NELL1: variants seen among roughly 807,000 people sequenced by gnomAD.
NELL1 encodes protein kinase C-binding protein NELL1.
In NELL1, 76 loss-of-function variants were observed where a neutral mutation model predicts 107.4. The observed-to-expected ratio is 0.71, with a 90% confidence interval of 0.59 to 0.86. The LOEUF is 0.86. NELL1 is among the 40% of genes least tolerant of loss of function. The pLI is 0.00. For synonymous variants in NELL1, 353 were observed against 341.2 expected (o/e 1.03, Z -0.38); for missense variants, 1,024 against 1,005.5 (o/e 1.02, Z -0.25).
intron 14 of NELL1, among the ~76,000 whole-genome samples, chr11:21,363,963 G>A (rs1851149987): frequency 1.3e-5 from 2 of 152,224 alleles, no homozygotes; most frequent in South Asian, 4.1e-4. Flanking sequence ...GAGATTTTCT[G>A]CAGAGGCCTG....
intron 14 of NELL1, among the ~76,000 whole-genome samples, chr11:21,328,260 A>C (rs940438422): frequency 8.6e-5 from 13 of 151,914 alleles, no homozygotes; most frequent in African/African-American, 2.2e-4. Flanking sequence ...TAGATGTTTC[A>C]GTTGTAGCCA....
chr11:21,149,848 A>G (rs7927054), intron 13 of NELL1, among the ~76,000 whole-genome samples: 1,749 of 152,266 alleles, frequency 0.011, 25 homozygotes, highest in African/African-American at 0.039. Context: ...AATTTCAGGT[A>G]GGAATAATAA....
intron 12 of NELL1, among the ~76,000 whole-genome samples, chr11:21,027,805 A>C (rs1178401118): frequency 6.6e-6 from 1 of 152,194 alleles, no homozygotes; most frequent in African/African-American, 2.4e-5. Flanking sequence ...AAACCTTAAC[A>C]ATCTGGAACA....
At chr11:20,853,354 G>A (rs1289608201) in intron 4 of NELL1, among the ~76,000 whole-genome samples, 2 of 152,172 alleles carry the variant, frequency 1.3e-5, no homozygotes, top group Non-Finnish European at 2.9e-5. Flanking sequence ...CCCTAGTCTT[G>A]GTTTTGCCAT....
At chr11:20,812,784 G>A (rs998471728) in intron 3 of NELL1, among the ~76,000 whole-genome samples, 8 of 151,646 alleles carry the variant, frequency 5.3e-5, no homozygotes, top group Non-Finnish European at 8.8e-5. Flanking sequence ...CGAGGCGGGC[G>A]GATCACGAGG....
At chr11:21,449,143 G>A (rs7948208) in intron 15 of NELL1, among the ~76,000 whole-genome samples, 4 of 151,920 alleles carry the variant, frequency 2.6e-5, no homozygotes, top group South Asian at 2.1e-4. Flanking sequence ...AACTGTTTTC[G>A]AAATTGATTA....
intron 15 of NELL1, among the ~76,000 whole-genome samples, chr11:21,391,638 G>A (rs1343435759): frequency 6.6e-6 from 1 of 151,546 alleles, no homozygotes; most frequent in Non-Finnish European, 1.5e-5. Flanking sequence ...TAGCTACCCT[G>A]TTTCATTATT....
intron 12 of NELL1, among the ~76,000 whole-genome samples, chr11:20,987,174 A>G: frequency 6.6e-6 from 1 of 152,136 alleles, no homozygotes; most frequent in East Asian, 1.9e-4. Context: ...ACTTGGGTAG[A>G]TTTTACTCTA....
intron 10 of NELL1, among the ~76,000 whole-genome samples, chr11:20,938,402 CA>C (rs1564976413): frequency 6.6e-6 from 1 of 152,106 alleles, no homozygotes; most frequent in East Asian, 1.9e-4. Context: ...GTGAACAAAA[CA>C]AAGTCACTGT....
chr11:21,074,045 G>A (rs1485895233), intron 12 of NELL1, among the ~76,000 whole-genome samples: 3 of 152,164 alleles, frequency 2.0e-5, no homozygotes, highest in Non-Finnish European at 4.4e-5. Context: ...AAAACTAGAG[G>A]AAGGCTGGAA....
At chr11:20,777,554 C>T (rs1413256677) in intron 2 of NELL1, among the ~76,000 whole-genome samples, 1 of 152,190 alleles carries the variant, frequency 6.6e-6, no homozygotes, top group Non-Finnish European at 1.5e-5. Flanking sequence ...TCCTCCAAAA[C>T]CAGAAATTGC....
chr11:20,810,384 C>T (rs1857474937), intron 3 of NELL1, among the ~76,000 whole-genome samples: 1 of 152,140 alleles, frequency 6.6e-6, no homozygotes, highest in South Asian at 2.1e-4. Flanking sequence ...TCACTCGTCT[C>T]CCCAAGTCCG....
rs189468451 is a variant in NELL1, at chr11:20,920,362, G to A, written c.759+1028G>A. 8.5e-5 allele frequency among the ~76,000 whole-genome samples: 13 copies of A among 152,228 alleles called. No homozygotes were observed. In the East Asian group the frequency reaches 2.1e-3, roughly 25 times the overall value. ...TAAGTGTTTGCAAGATAAGGCTATA[G>A]TTTGGACCCATGGATTGTGCTGCTG... On this transcript the variant is annotated intron_variant, in intron 7 of 19. Transcript: ENST00000357134.
chr11:21,274,324 G>A (rs1253077299), intron 14 of NELL1, among the ~76,000 whole-genome samples: 1 of 152,152 alleles, frequency 6.6e-6, no homozygotes, highest in Admixed American at 6.5e-5. Context: ...AATGGTAAAA[G>A]GATCAATTCA....
intron 1 of NELL1, chr11:20,671,222 G>A (rs1209512642): frequency 6.6e-6 from 1 of 152,314 alleles, no homozygotes; most frequent in Non-Finnish European, 1.5e-5. Context: ...ATCCGGATGG[G>A]TTAGTCTTTT....
chr11:20,682,945 G>A (rs1854224185), intron 2 of NELL1, among the ~76,000 whole-genome samples: 1 of 151,934 alleles, frequency 6.6e-6, no homozygotes, highest in Admixed American at 6.6e-5. Context: ...ATATATAGTT[G>A]GAGGCTAACT....
At chr11:20,877,422 A>T (rs1201209023) in intron 4 of NELL1, among the ~76,000 whole-genome samples, 2 of 152,248 alleles carry the variant, frequency 1.3e-5, no homozygotes, top group Non-Finnish European at 2.9e-5. Context: ...AGTCTCTTCA[A>T]AAACCTTCCT....
At chr11:21,344,796 T>C (rs1481448666) in intron 14 of NELL1, among the ~76,000 whole-genome samples, 1 of 152,172 alleles carries the variant, frequency 6.6e-6, no homozygotes, top group Non-Finnish European at 1.5e-5. Flanking sequence ...TTCAGTGAAC[T>C]TCAAAGCAAT....
chr11:20,882,523 G>A (rs938090034), intron 4 of NELL1, among the ~76,000 whole-genome samples: 4 of 152,286 alleles, frequency 2.6e-5, no homozygotes, highest in South Asian at 2.1e-4. Flanking sequence ...AAGAGAAAGC[G>A]TGTATTCATA....
Sources: gnomAD v4.1 joint callset for allele counts (sites outside exome capture counted in the v4.1 genomes callset) on GRCh38, gnomAD v4.1.1 for gene constraint, MANE v1.5 for transcripts, NCBI Gene and HGNC (gene_info 2026-07-23, HGNC 2026-07-21) for gene names.